SLC2A13: variants seen among roughly 807,000 people sequenced by gnomAD.
SLC2A13 encodes the protein solute carrier family 2 member 13, also known as proton myo-inositol cotransporter.
Under a neutral mutation model 64.4 loss-of-function variants are expected in SLC2A13, and 32 were observed. That is an observed-to-expected ratio of 0.50 (90% CI 0.37 to 0.67). SLC2A13 has a LOEUF of 0.67. Among genes scored for constraint, SLC2A13 ranks in the 30% least tolerant of loss-of-function variants. The probability of loss-of-function intolerance (pLI) is 0.00; values close to 1 mark genes in which losing one functional copy is unlikely to be tolerated. For synonymous variants in SLC2A13, 338 were observed against 327.1 expected (o/e 1.03, Z -0.36); for missense variants, 743 against 829.2 (o/e 0.90, Z 1.28).
intron 4 of SLC2A13, among the ~76,000 whole-genome samples, chr12:39,920,855 A>G (rs958096338): frequency 2.0e-5 from 3 of 152,100 alleles, no homozygotes; most frequent in Non-Finnish European, 4.4e-5. Context: ...TGCCTGCTAA[A>G]TGCCAGGACC....
At chr12:39,850,738 A>G (rs1350452255) in intron 6 of SLC2A13, among the ~76,000 whole-genome samples, 1 of 152,198 alleles carries the variant, frequency 6.6e-6, no homozygotes, top group African/African-American at 2.4e-5. Context: ...TACACAGGCC[A>G]AGATTTGTTG....
intron 1 of SLC2A13, among the ~76,000 whole-genome samples, chr12:40,090,613 C>G (rs1333143834): frequency 6.6e-6 from 1 of 152,070 alleles, no homozygotes; most frequent in Admixed American, 6.6e-5. Context: ...AAATGCATGT[C>G]ATATTTAGAA....
chr12:39,880,181 T>C (rs1203972162), intron 4 of SLC2A13, among the ~76,000 whole-genome samples: 2 of 152,174 alleles, frequency 1.3e-5, no homozygotes, highest in Admixed American at 6.5e-5. Flanking sequence ...CCTGTAAAGT[T>C]TGTAGAACCA....
chr12:39,775,206 C>A (rs1940734139), intron 7 of SLC2A13, among the ~76,000 whole-genome samples: 1 of 152,162 alleles, frequency 6.6e-6, no homozygotes, highest in African/African-American at 2.4e-5. Context: ...TAAGGTACAA[C>A]TGAATAAAAA....
chr12:39,806,044 TAC>T (rs1941970178), intron 7 of SLC2A13, among the ~76,000 whole-genome samples: 2 of 152,202 alleles, frequency 1.3e-5, no homozygotes, highest in Admixed American at 1.3e-4. Context: ...AGAAAAAGCT[TAC>T]AGTGACAGCA....
At chr12:40,004,842 GAA>G (rs925384993) in intron 3 of SLC2A13, among the ~76,000 whole-genome samples, 1 of 151,996 alleles carries the variant, frequency 6.6e-6, no homozygotes, top group Non-Finnish European at 1.5e-5. Context: ...CTAGAAAAAA[GAA>G]AAAGTTTTTA....
intron 6 of SLC2A13, among the ~76,000 whole-genome samples, chr12:39,849,085 C>T (rs1232941434): frequency 6.6e-6 from 1 of 151,964 alleles, no homozygotes; most frequent in African/African-American, 2.4e-5. Context: ...GAGCTTAATA[C>T]CTGGGAGATG....
At chr12:39,779,826 C>A (rs1170019894) in intron 7 of SLC2A13, among the ~76,000 whole-genome samples, 1 of 152,210 alleles carries the variant, frequency 6.6e-6, no homozygotes, top group Non-Finnish European at 1.5e-5. Flanking sequence ...CACCAGTATT[C>A]TGATTTTATT....
chr12:40,058,960 A>C (rs958704949), intron 1 of SLC2A13, among the ~76,000 whole-genome samples: 5 of 152,170 alleles, frequency 3.3e-5, no homozygotes, highest in Admixed American at 3.3e-4. Context: ...ATGGCTAATA[A>C]ACATCTTTTC....
At chr12:39,926,738 C>T (rs745888084) in intron 4 of SLC2A13, among the ~76,000 whole-genome samples, 1 of 152,168 alleles carries the variant, frequency 6.6e-6, no homozygotes, top group Non-Finnish European at 1.5e-5. Flanking sequence ...ACCTCAGCCT[C>T]CTGAGTAGCT....
chr12:39,800,407 C>G (rs1299990139), intron 7 of SLC2A13, among the ~76,000 whole-genome samples: 3 of 150,124 alleles, frequency 2.0e-5, no homozygotes, highest in Admixed American at 2.0e-4. Context: ...AAGAAAAAAA[C>G]AAACAACCCC....
At chr12:39,787,488 T>A (rs1941232414) in intron 7 of SLC2A13, among the ~76,000 whole-genome samples, 1 of 152,154 alleles carries the variant, frequency 6.6e-6, no homozygotes, top group Non-Finnish European at 1.5e-5. Context: ...TCTAGGAGAT[T>A]ATTTTTTTCC....
chr12:40,000,459 T>C (rs773456119), intron 3 of SLC2A13, among the ~76,000 whole-genome samples: 8 of 152,200 alleles, frequency 5.3e-5, no homozygotes, highest in Non-Finnish European at 1.0e-4. Context: ...GACCGACACA[T>C]ACACCTGGTA....
rs563524120 is a variant in SLC2A13 at position 39,881,929 on chromosome 12, C to G, written c.1035-9968G>C. ...GTATCATGATTCTCGGTGACAGTGGCATCAACATGGACCATCCACACAACA... is the reference window on the plus strand; with the variant it reads ...GTATCATGATTCTCGGTGACAGTGGGATCAACATGGACCATCCACACAACA... On this transcript the variant is annotated intron_variant, in intron 4 of 9. Coordinates refer to ENST00000280871, the MANE Select transcript of SLC2A13 (RefSeq NM_052885.4). 2.6e-5 allele frequency among the ~76,000 whole-genome samples: 4 copies of G among 152,164 alleles called. No homozygotes were observed. In the South Asian group the frequency reaches 8.3e-4, roughly 32 times the overall value.
intron 7 of SLC2A13, among the ~76,000 whole-genome samples, chr12:39,778,564 G>T (rs960026553): frequency 6.6e-6 from 1 of 152,028 alleles, no homozygotes; most frequent in Non-Finnish European, 1.5e-5. Flanking sequence ...TATTTATTTT[G>T]TGTTATTTTG....
At chr12:39,875,317 C>A (rs1400785559) in intron 4 of SLC2A13, among the ~76,000 whole-genome samples, 1 of 152,144 alleles carries the variant, frequency 6.6e-6, no homozygotes, top group African/African-American at 2.4e-5. Context: ...GTCTTCAAAG[C>A]CAACAATGAT....
chr12:39,949,573 T>G lies in SLC2A13; in HGVS notation c.1034+1684A>C, dbSNP rs150600412. 2.2e-3 allele frequency: 340 copies of G among 152,330 alleles called. 1 individual carries two copies. Among genetic ancestry groups the G allele is most frequent in the African/African-American group, 7.9e-3 (328 of 41,576 alleles). The allele number at this position is 152,330 out of a possible 1,614,324, so 9.4% of individuals were successfully genotyped here. On this transcript the variant is annotated intron_variant, in intron 4 of 9. Transcript: ENST00000280871. ...AGCTACTGCTAATGGATTATGACAG[T>G]CATTTCAAACTAGGAATACACTGGC...
chr12:39,966,867 T>G (rs28370713), intron 3 of SLC2A13, among the ~76,000 whole-genome samples: 1 of 152,296 alleles, frequency 6.6e-6, no homozygotes, highest in African/African-American at 2.4e-5. Context: ...TGTTTTTCAT[T>G]AGGCTGATTC....
intron 3 of SLC2A13, among the ~76,000 whole-genome samples, chr12:40,021,489 T>G (rs1227699028): frequency 2.0e-5 from 3 of 152,246 alleles, no homozygotes; most frequent in African/African-American, 7.2e-5. Context: ...CAGCTTAACA[T>G]AAGGATTGAG....
Sources: allele counts gnomAD v4.1 joint callset (sites outside exome capture counted in the v4.1 genomes callset), GRCh38; gene constraint gnomAD v4.1.1; transcripts MANE v1.5; gene names NCBI Gene and HGNC (gene_info 2026-07-23, HGNC 2026-07-21).